DOCK11: variants seen among roughly 807,000 people sequenced by gnomAD.
The protein encoded by DOCK11 is dedicator of cytokinesis protein 11.
A neutral mutation model predicts 169.1 loss-of-function variants in DOCK11; 70 were observed. The ratio of observed to expected loss-of-function variants is 0.41; its 90% CI spans 0.34 to 0.51. DOCK11 has a LOEUF of 0.51. DOCK11 is among the 20% of genes least tolerant of loss of function. The pLI, the probability that DOCK11 is intolerant of heterozygous loss-of-function variation, is 0.10. For missense variants in DOCK11, 1,166 were observed against 1,538.8 expected (o/e 0.76, Z 4.05); for synonymous variants, 529 against 541.3 (o/e 0.98, Z 0.32).
intron 7 of DOCK11, 88 bp from the exon 8 acceptor site, chrX:118,565,912 ACTAAG>A: frequency 2.2e-6 from 2 of 905,255 alleles, no homozygotes; most frequent in Non-Finnish European, 3.2e-6. Context: ...GCACATATGC[ACTAAG>A]CTGAGATAAA....
intron 31 of DOCK11, among the ~76,000 whole-genome samples, chrX:118,624,166 T>C (rs141140307): frequency 3.5e-5 from 4 of 113,047 alleles, no homozygotes; most frequent in African/African-American, 9.6e-5. Context: ...TGCCCAGGCA[T>C]TGGGGATGAA....
rs2016782341 is a variant in DOCK11 at position 118,683,180 on chromosome X, A to G, written c.6065A>G (p.Asp2022Gly). ...YHEGLKSNFR[D>G]MVKELSDIIH... ...GAAGGGCTAAAGTCAAATTTCAGAG[A>G]CATGGTAAAAGAATTATCTGACATT... The change falls in exon 52 of 53, where the codon GAC becomes GGC. Residue 2022 changes from aspartate (D) to glycine (G), a missense_variant. Coordinates refer to ENST00000276202, the MANE Select transcript of DOCK11 (RefSeq NM_144658.4). 4 of 1,211,281 alleles carry G rather than the reference A, an allele frequency of 3.3e-6. No homozygotes were observed. Among genetic ancestry groups the G allele is most frequent in the Non-Finnish European group, 3.4e-6 (3 of 895,176 alleles).
At chrX:118,498,754 GTTTT>G (rs983854470) in intron 1 of DOCK11, among the ~76,000 whole-genome samples, 1 of 107,474 alleles carries the variant, frequency 9.3e-6, no homozygotes. Context: ...TCCTGTTTAG[GTTTT>G]TTTTTTATTT....
chrX:118,648,034 TATA>T (rs1339117954), intron 40 of DOCK11, among the ~76,000 whole-genome samples: 14 of 50,822 alleles, frequency 2.8e-4, no homozygotes, highest in Admixed American at 3.5e-4. Context: ...TATAATATTA[TATA>T]ATAATATAAT....
At chrX:118,646,664 T>A (rs901163875) in intron 40 of DOCK11, among the ~76,000 whole-genome samples, 1 of 111,904 alleles carries the variant, frequency 8.9e-6, no homozygotes, top group African/African-American at 3.3e-5. Context: ...ACACTATAGC[T>A]ATGATCTCCC....
intron 45 of DOCK11, among the ~76,000 whole-genome samples, chrX:118,663,775 A>G (rs1186766375): frequency 3.8e-5 from 4 of 104,341 alleles, no homozygotes; most frequent in Admixed American, 1.1e-4. Context: ...CCCGGGTTCA[A>G]GTGATTCTCC....
At chrX:118,516,004 A>ACTCTATATATATATATATATAT (rs1436837389) in intron 1 of DOCK11, among the ~76,000 whole-genome samples, 3 of 44,954 alleles carry the variant, frequency 6.7e-5, no homozygotes, top group African/African-American at 3.5e-4. Flanking sequence ...GATTTGGGCA[A>ACTCTATATATATATATATATAT]ATATATATAT....
At chrX:118,596,290 A>G (rs2014165029) in intron 20 of DOCK11, among the ~76,000 whole-genome samples, 1 of 112,295 alleles carries the variant, frequency 8.9e-6, no homozygotes, top group African/African-American at 3.2e-5. Flanking sequence ...CTGTAGTTGA[A>G]CTAGTAAAGA....
chrX:118,532,549 G>A (rs1173519400), intron 1 of DOCK11, among the ~76,000 whole-genome samples: 6 of 109,424 alleles, frequency 5.5e-5, no homozygotes, highest in Admixed American at 1.9e-4. Context: ...GGGAGGCCGA[G>A]GCGGGTGGAT....
intron 1 of DOCK11, 120 bp from the exon 2 acceptor site, chrX:118,542,601 CAATT>C: frequency 3.8e-6 from 2 of 523,896 alleles, no homozygotes; most frequent in South Asian, 5.9e-5. Context: ...GAAACTGTCT[CAATT>C]AAGTACTTAA....
chrX:118,556,889 G>C (rs1008552198), intron 6 of DOCK11, among the ~76,000 whole-genome samples: 2 of 111,074 alleles, frequency 1.8e-5, no homozygotes, highest in African/African-American at 6.6e-5. Context: ...GTCTGAATGG[G>C]CCACTCTTCA....
intron 1 of DOCK11, among the ~76,000 whole-genome samples, chrX:118,529,798 T>G (rs1280839529): frequency 9.0e-6 from 1 of 110,774 alleles, no homozygotes; most frequent in Non-Finnish European, 1.9e-5. Flanking sequence ...CTTGGGGTCT[T>G]GAGGTGGGGG....
chrX:118,546,080 A>G lies in DOCK11; in HGVS notation c.522A>G (p.Lys174=). 3 of 1,205,779 alleles carry G rather than the reference A, an allele frequency of 2.5e-6. No individual in the cohort carries two copies. The Admixed American group carries it at 6.5e-5, about 26-fold the overall frequency. Residue 174 remains lysine, a synonymous_variant, in exon 6 of 53, where the codon AAA becomes AAG. Coordinates refer to ENST00000276202, the MANE Select transcript of DOCK11 (RefSeq NM_144658.4). ...GGVIKQGWLH[K]ANVNSTITVT... ...TGATAAAACAAGGCTGGTTGCATAAAGCAAATGTAAATAGTACCATCACAG... is the reference window on the plus strand; with the variant it reads ...TGATAAAACAAGGCTGGTTGCATAAGGCAAATGTAAATAGTACCATCACAG...
intron 37 of DOCK11, 43 bp from the exon 38 acceptor site, chrX:118,639,392 G>A (rs988934432): frequency 2.5e-6 from 3 of 1,180,014 alleles, no homozygotes; most frequent in Admixed American, 2.3e-5. Flanking sequence ...ATTGAGATAT[G>A]TTATTAGAGC....
In DOCK11 at chrX:118,581,484, G is replaced by A. The variant is rs1034913848; in HGVS notation, c.1595+1305G>A. Among the ~76,000 whole-genome samples, 4 of 111,424 alleles carry A rather than the reference G, an allele frequency of 3.6e-5. No individual in the cohort carries two copies. The South Asian group carries it at 1.5e-3, about 42-fold the overall frequency. Reference sequence around the variant, plus strand: ...CCAGCCTGAAAAGTCCATTGCTGCTGCTGCTATTATTATTGTTAATAGTTA... The same window carrying A: ...CCAGCCTGAAAAGTCCATTGCTGCTACTGCTATTATTATTGTTAATAGTTA... On this transcript the variant is annotated intron_variant, in intron 14 of 52. Coordinates refer to ENST00000276202, the MANE Select transcript of DOCK11 (RefSeq NM_144658.4).
At chrX:118,638,796 C>T (rs2015453668) in intron 37 of DOCK11, among the ~76,000 whole-genome samples, 1 of 111,462 alleles carries the variant, frequency 9.0e-6, no homozygotes, top group Admixed American at 9.6e-5. Context: ...CCATGTTTTC[C>T]CATAAGTTGG....
intron 23 of DOCK11, among the ~76,000 whole-genome samples, chrX:118,601,990 A>G (rs1010746540): frequency 7.0e-5 from 7 of 100,351 alleles, no homozygotes; most frequent in Admixed American, 1.1e-4. Context: ...GGGTTTTGCC[A>G]TGTTGGCCAG....
intron 12 of DOCK11, among the ~76,000 whole-genome samples, chrX:118,574,644 A>C (rs1177663810): frequency 8.9e-6 from 1 of 112,003 alleles, no homozygotes; most frequent in Admixed American, 9.5e-5. Flanking sequence ...AAGCAAGGCA[A>C]TAAGTGCTTG....
At chrX:118,671,592 C>T in intron 46 of DOCK11, among the ~76,000 whole-genome samples, 1 of 111,977 alleles carries the variant, frequency 8.9e-6, no homozygotes, top group Non-Finnish European at 1.9e-5. Context: ...AAACATCCTA[C>T]CTTATATTCA....
Sources: allele counts gnomAD v4.1 joint callset (sites outside exome capture counted in the v4.1 genomes callset), GRCh38; gene constraint gnomAD v4.1.1; transcripts MANE v1.5; gene names NCBI Gene and HGNC (gene_info 2026-07-23, HGNC 2026-07-21).